ZRANB3: variants seen among roughly 807,000 people sequenced by gnomAD.
ZRANB3 encodes zinc finger RANBP2-type containing 3, also known as DNA annealing helicase and endonuclease ZRANB3.
ZRANB3 carries 125 observed loss-of-function variants against 133.8 expected under a neutral mutation model. That is an observed-to-expected ratio of 0.93 (90% CI 0.81 to 1.08). The LOEUF (loss-of-function observed/expected upper bound fraction) is 1.08, where lower values mean the gene tolerates loss of function less well. Among genes scored for constraint, ZRANB3 ranks in the 50% least tolerant of loss-of-function variants. ZRANB3 has a pLI of 0.00. For missense variants in ZRANB3, 1,229 were observed against 1,275.5 expected (o/e 0.96, Z 0.56); for synonymous variants, 387 against 432.7 (o/e 0.89, Z 1.31).
At chr2:135,319,579 G>A (rs897417315) in intron 6 of ZRANB3, among the ~76,000 whole-genome samples, 2 of 151,942 alleles carry the variant, frequency 1.3e-5, no homozygotes, top group Non-Finnish European at 2.9e-5. Flanking sequence ...TAAGCTATAA[G>A]AATTGAAAGA....
At chr2:135,217,376 T>C in intron 17 of ZRANB3, 89 bp downstream of exon 17, 1 of 1,248,224 alleles carries the variant, frequency 8.0e-7, no homozygotes, top group South Asian at 1.7e-5. Flanking sequence ...AGGATTTCAT[T>C]AGTGGTTCCA....
intron 2 of ZRANB3, among the ~76,000 whole-genome samples, chr2:135,424,497 C>T (rs534629523): frequency 1.1e-4 from 17 of 152,292 alleles, no homozygotes; most frequent in African/African-American, 3.4e-4. Flanking sequence ...CTCTGGGATG[C>T]CGAGGTGGGC....
Position 135,401,168 on chromosome 2 carries a change from A to G in ZRANB3, c.162-10348T>C, listed in dbSNP as rs1325486224. On this transcript the variant is annotated intron_variant, in intron 2 of 20. Transcript: ENST00000264159. Reference sequence around the variant, plus strand: ...GTGGAATTGAGACATCACCAGACACATAGGGGTGCATGCACGGAGAACATC... The same window carrying G: ...GTGGAATTGAGACATCACCAGACACGTAGGGGTGCATGCACGGAGAACATC... Among the ~76,000 whole-genome samples, 20 of 152,102 alleles carry G rather than the reference A, an allele frequency of 1.3e-4. 1 individual carries two copies. The highest frequency in any genetic ancestry group is 1.3e-3 in the Admixed American group (20 of 15,272).
chr2:135,428,588 T>G (rs1558993415), intron 2 of ZRANB3, among the ~76,000 whole-genome samples: 1 of 151,918 alleles, frequency 6.6e-6, no homozygotes, highest in Non-Finnish European at 1.5e-5. Context: ...TGGGAGAAAA[T>G]ATCTGCAAAA....
chr2:135,231,451 T>C (rs1695007951), intron 12 of ZRANB3, among the ~76,000 whole-genome samples: 1 of 152,066 alleles, frequency 6.6e-6, no homozygotes. Flanking sequence ...TATGAAAATG[T>C]TTTCTTGACC....
intron 2 of ZRANB3, among the ~76,000 whole-genome samples, chr2:135,414,921 A>T (rs1312657003): frequency 1.3e-5 from 2 of 152,098 alleles, no homozygotes; most frequent in East Asian, 1.9e-4. Flanking sequence ...ACAAAGACAC[A>T]ACATACCAGA....
At chr2:135,274,793 C>T (rs1416567744) in intron 9 of ZRANB3, among the ~76,000 whole-genome samples, 2 of 151,916 alleles carry the variant, frequency 1.3e-5, no homozygotes, top group Non-Finnish European at 2.9e-5. Context: ...TGTTTGTGTC[C>T]CTGGGTACTT....
At chr2:135,209,041 T>C in intron 17 of ZRANB3, 63 bp from the exon 18 acceptor site, 1 of 1,454,284 alleles carries the variant, frequency 6.9e-7, no homozygotes, top group Non-Finnish European at 9.6e-7. Flanking sequence ...CTATTGCATG[T>C]TTACATTGTT....
chr2:135,204,653 AT>A (rs1357477229), intron 19 of ZRANB3, among the ~76,000 whole-genome samples: 14 of 123,046 alleles, frequency 1.1e-4, no homozygotes, highest in African/African-American at 6.1e-4. Flanking sequence ...AAAAAAAAAT[AT>A]ATATATATAC....
chr2:135,407,556 T>G (rs1013321395), intron 2 of ZRANB3, among the ~76,000 whole-genome samples: 4 of 148,640 alleles, frequency 2.7e-5, no homozygotes, highest in South Asian at 4.2e-4. Context: ...GGCATCACAC[T>G]ACCTGACTTC....
intron 2 of ZRANB3, among the ~76,000 whole-genome samples, chr2:135,441,916 C>T (rs1689796340): frequency 6.6e-6 from 1 of 152,148 alleles, no homozygotes; most frequent in South Asian, 2.1e-4. Flanking sequence ...AAAAGTCCAT[C>T]ATCTCAGTCT....
intron 8 of ZRANB3, among the ~76,000 whole-genome samples, chr2:135,302,533 T>C (rs965237268): frequency 6.6e-6 from 1 of 151,922 alleles, no homozygotes; most frequent in Non-Finnish European, 1.5e-5. Context: ...GGTTTGTTTT[T>C]TTTTTTTTTG....
At position 135,508,578 on chromosome 2, in the gene ZRANB3, T is replaced by A. The variant is rs943622779; in HGVS notation, c.-7-4082A>T. On this transcript the variant is annotated intron_variant, in intron 1 of 20. Transcript: ENST00000264159. ...CATTATGAAAATGTACAGAAAAAAA[T>A]TTCAGTTGAATTTAAGATTATAGTG... Among the ~76,000 whole-genome samples the A allele has an allele frequency of 1.8e-4, 27 of 151,996 alleles. No individual in the cohort carries two copies. In the East Asian group the frequency reaches 3.7e-3, roughly 21 times the overall value.
chr2:135,227,870 G>T lies in ZRANB3; in HGVS notation c.2100C>A (p.Ser700Arg). 6.3e-7 allele frequency: 1 copy of T among 1,575,180 alleles called. No individual in the cohort carries two copies. The change falls in exon 14 of 21, where the codon AGC becomes AGA. Residue 700 changes from serine to arginine, a missense_variant. Coordinates refer to ENST00000264159, the MANE Select transcript of ZRANB3 (RefSeq NM_032143.4). Reference sequence around the variant, plus strand: ...TCTCAATTTTTGGTGTTTCTTCCTTGCTGTCAGCCAACTGGCCAGGTTCTG... The same window carrying T: ...TCTCAATTTTTGGTGTTTCTTCCTTTCTGTCAGCCAACTGGCCAGGTTCTG... The part of the protein sequence containing the change: ...AQSEPGQLAD[S>R]KEETPKIEKE...
chr2:135,491,227 C>T (rs1207235874), intron 2 of ZRANB3, among the ~76,000 whole-genome samples: 2 of 152,072 alleles, frequency 1.3e-5, no homozygotes, highest in Non-Finnish European at 2.9e-5. Flanking sequence ...ATCTGGTTTA[C>T]AGATGAGAAC....
chr2:135,345,009 G>A (rs1005816920), intron 6 of ZRANB3: 6 of 152,162 alleles, frequency 3.9e-5, no homozygotes, highest in African/African-American at 1.5e-4. Flanking sequence ...GACAAGAGTG[G>A]AAGAAACACT....
chr2:135,496,517 T>A (rs1161317585), intron 2 of ZRANB3, among the ~76,000 whole-genome samples: 4 of 149,924 alleles, frequency 2.7e-5, no homozygotes, highest in Non-Finnish European at 5.9e-5. Flanking sequence ...AAAATTAACC[T>A]CTAAAGGACC....
At chr2:135,382,908 G>A (rs752732186) in intron 3 of ZRANB3, among the ~76,000 whole-genome samples, 3 of 152,120 alleles carry the variant, frequency 2.0e-5, no homozygotes, top group South Asian at 2.1e-4. Context: ...AAAGACCATC[G>A]AGGCTAGGAA....
intron 8 of ZRANB3, among the ~76,000 whole-genome samples, chr2:135,297,410 G>A (rs570966709): frequency 6.6e-6 from 1 of 152,258 alleles, no homozygotes; most frequent in Admixed American, 6.5e-5. Context: ...TGTGCCGTTT[G>A]TGAAGCCCAT....
Sources: gnomAD v4.1 joint callset for allele counts (sites outside exome capture counted in the v4.1 genomes callset) on GRCh38, gnomAD v4.1.1 for gene constraint, MANE v1.5 for transcripts, NCBI Gene and HGNC (gene_info 2026-07-23, HGNC 2026-07-21) for gene names.